Variants in KCNQ1 observed in about 807,000 individuals in gnomAD.
KCNQ1 encodes the protein potassium voltage-gated channel subfamily Q member 1, also known as potassium voltage-gated channel subfamily KQT member 1.
In KCNQ1, 49 loss-of-function variants were observed where a neutral mutation model predicts 72.4. The ratio of observed to expected loss-of-function variants is 0.68; its 90% CI spans 0.54 to 0.86. KCNQ1 has a LOEUF of 0.86. Among genes scored for constraint, KCNQ1 ranks in the 40% least tolerant of loss-of-function variants. The probability of loss-of-function intolerance (pLI) is 0.00; values close to 1 mark genes in which losing one functional copy is unlikely to be tolerated. For synonymous variants in KCNQ1, 450 were observed against 412.6 expected, an observed-to-expected ratio of 1.09 and a Z score of -1.10; for missense variants, 790 against 945.1, an observed-to-expected ratio of 0.84 and a Z score of 2.15.
intron 11 of KCNQ1, among the ~76,000 whole-genome samples, chr11:2,730,409 G>A (rs1845834894): frequency 6.6e-6 from 1 of 152,188 alleles, no homozygotes; most frequent in African/African-American, 2.4e-5. Flanking sequence ...GGTTCCCACT[G>A]GAAGCTCAAA....
chr11:2,798,868 A>C (rs1239461363), intron 15 of KCNQ1, among the ~76,000 whole-genome samples: 1 of 152,072 alleles, frequency 6.6e-6, no homozygotes, highest in Non-Finnish European at 1.5e-5. Flanking sequence ...ATGCATGTAC[A>C]TTTGCCTAAT....
chr11:2,645,934 T>A lies in KCNQ1; in HGVS notation c.1394-16027T>A. ...TCACAGTCTGTAGGTAGCCTCTTGT[T>A]AGTCTCAAGGCATCTATGGGTCAGG... On this transcript the variant is annotated intron_variant, in intron 10 of 15. Transcript: ENST00000155840. This position sits in a 1 kb window ranked among gnomAD's most constrained non-coding sequence, Gnocchi z 5.8. 5.0e-6 allele frequency: 2 copies of A among 398,608 alleles called. No individual in the cohort carries two copies. The highest frequency in any genetic ancestry group is 8.8e-6 in the Non-Finnish European group (2 of 226,078). The allele number at this position is 398,608 out of a possible 1,614,324, so 24.7% of individuals were successfully genotyped here.
At chr11:2,643,002 A>C (rs1163603375) in intron 10 of KCNQ1, 1 of 397,786 alleles carries the variant, frequency 2.5e-6, no homozygotes, top group African/African-American at 2.1e-5. Flanking sequence ...GTTTTATGCT[A>C]TTGTGGTCTG....
intron 1 of KCNQ1, among the ~76,000 whole-genome samples, chr11:2,470,361 G>A (rs937204520): frequency 1.3e-5 from 2 of 152,136 alleles, no homozygotes; most frequent in Admixed American, 1.3e-4. Context: ...TGAGACAAAT[G>A]ATTATATACT....
Position 2,683,720 on chromosome 11 carries a change from C to G in KCNQ1, c.1514+21639C>G. ...GGACTCAGGCCTTTCCTTACTCCCT[C>G]TGGTTACCTAGCTTTAGCTCTGAGG... On this transcript the variant is annotated intron_variant, in intron 11 of 15. Coordinates refer to ENST00000155840, the MANE Select transcript of KCNQ1 (RefSeq NM_000218.3). This position sits in a 1 kb window ranked among gnomAD's most constrained non-coding sequence, Gnocchi z 4.7. 1 of 398,654 alleles carries G rather than the reference C, an allele frequency of 2.5e-6. No homozygotes were observed. Among genetic ancestry groups the G allele is most frequent in the Non-Finnish European group, 4.4e-6 (1 of 226,072 alleles). 24.7% of individuals were successfully genotyped at this position (398,654 alleles called of 1,614,324 possible).
At position 2,658,925 on chromosome 11, in the gene KCNQ1, C is replaced by T. The variant is rs768748938; in HGVS notation, c.1394-3036C>T. The stretch of plus-strand genomic sequence containing the variant: ...AGTACCCTATGTGAAGCAAATTTAC[C>T]TACTAGATTAGAGTGTTTAGGACAG... On this transcript the variant is annotated intron_variant, in intron 10 of 15. Transcript: ENST00000155840. This position sits in a 1 kb window ranked among gnomAD's most constrained non-coding sequence, Gnocchi z 4.9. 2 of 398,474 alleles carry T rather than the reference C, an allele frequency of 5.0e-6. No homozygotes were observed. The highest frequency in any genetic ancestry group is 8.8e-6 in the Non-Finnish European group (2 of 226,026). 24.7% of individuals were successfully genotyped at this position (398,474 alleles called of 1,614,324 possible). A position where few individuals can be genotyped will look rare whatever the true frequency, so the allele number is the denominator to read the frequency against.
At chr11:2,505,754 A>T (rs1363388323) in intron 1 of KCNQ1, among the ~76,000 whole-genome samples, 1 of 152,100 alleles carries the variant, frequency 6.6e-6, no homozygotes, top group Non-Finnish European at 1.5e-5. Context: ...TTCTAGGTTT[A>T]TTATAAAACC....
At position 2,588,751 on chromosome 11, in the gene KCNQ1, G is replaced by T. The variant is rs1848629909; in HGVS notation, c.1290G>T (p.Gly430=). The change falls in exon 10 of 16, where the codon GGG becomes GGT. Residue 430 remains glycine (G), a synonymous_variant. Coordinates refer to ENST00000155840, the MANE Select transcript of KCNQ1 (RefSeq NM_000218.3). This position sits in a 1 kb window ranked among gnomAD's most constrained non-coding sequence, Gnocchi z 5.6. ...KKKFKLDKDN[G]VTPGEKMLTV... ...AGTTCAAGCTGGACAAAGACAATGG[G>T]GTGACTCCTGGAGAGAAGATGCTCA... The T allele has an allele frequency of 1.2e-6, 2 of 1,613,530 alleles. No individual in the cohort carries two copies. Among genetic ancestry groups the T allele is most frequent in the African/African-American group, 2.7e-5 (2 of 74,912 alleles).
rs187832757 is a variant in KCNQ1, at chr11:2,550,470, G to A, written c.478-20158G>A. On this transcript the variant is annotated intron_variant, in intron 2 of 15. Coordinates refer to ENST00000155840, the MANE Select transcript of KCNQ1 (RefSeq NM_000218.3). This position sits in a 1 kb window ranked among gnomAD's most constrained non-coding sequence, Gnocchi z 6.0. The stretch of plus-strand genomic sequence containing the variant: ...CATGTTCCTCCCTAGGCAGCTCCAT[G>A]CGCGGGCCCCGGAGCTGGAAAGCAG... Among the ~76,000 whole-genome samples the A allele has an allele frequency of 1.0e-3, 158 of 152,314 alleles. No homozygotes were observed. The highest frequency in any genetic ancestry group is 3.4e-3 in the Middle Eastern group (1 of 294).
rs1846836225 is a variant in KCNQ1, at chr11:2,491,565, G to A, written c.387-36363G>A. ...AGGAGACAGAATAAGAACGAATGAAGCATGATCTAGAAAATAGCCTCAAAA... is the reference window on the plus strand; with the variant it reads ...AGGAGACAGAATAAGAACGAATGAAACATGATCTAGAAAATAGCCTCAAAA... On this transcript the variant is annotated intron_variant, in intron 1 of 15. Coordinates refer to ENST00000155840, the MANE Select transcript of KCNQ1 (RefSeq NM_000218.3). This position sits in a 1 kb window ranked among gnomAD's most constrained non-coding sequence, Gnocchi z 4.1. Among the ~76,000 whole-genome samples, 1 of 152,056 alleles carries A rather than the reference G, an allele frequency of 6.6e-6. No homozygotes were observed. The highest frequency in any genetic ancestry group is 6.6e-5 in the Admixed American group (1 of 15,260).
rs1043654593 is a variant in KCNQ1 at position 2,713,767 on chromosome 11, C to G, written c.1514+51686C>G. On this transcript the variant is annotated intron_variant, in intron 11 of 15. Transcript: ENST00000155840. The surrounding 1 kb of genome is among the most constrained non-coding windows in gnomAD (Gnocchi z 5.6). ...TCTCTTGGCTGCTGGTAAGATTATCCATTAAATCCATATTCCTCACTGTAG... is the reference window on the plus strand; with the variant it reads ...TCTCTTGGCTGCTGGTAAGATTATCGATTAAATCCATATTCCTCACTGTAG... Among the ~76,000 whole-genome samples, 2 of 152,232 alleles carry G rather than the reference C, an allele frequency of 1.3e-5. No individual in the cohort carries two copies. Among genetic ancestry groups the G allele is most frequent in the African/African-American group, 4.8e-5 (2 of 41,442 alleles).
chr11:2,506,448 TCTC>T (rs1330438517), intron 1 of KCNQ1, among the ~76,000 whole-genome samples: 1 of 152,208 alleles, frequency 6.6e-6, no homozygotes, highest in Non-Finnish European at 1.5e-5. Flanking sequence ...ATTCAAACCC[TCTC>T]CTATTTATGG....
chr11:2,646,740 T>C (rs1472655166), intron 10 of KCNQ1: 12 of 398,508 alleles, frequency 3.0e-5, no homozygotes, highest in East Asian at 2.1e-4. Context: ...AGTCTCAAAC[T>C]CCTGGGCTCA....
At chr11:2,499,341 A>G (rs756483509) in intron 1 of KCNQ1, among the ~76,000 whole-genome samples, 11 of 152,218 alleles carry the variant, frequency 7.2e-5, no homozygotes, top group Non-Finnish European at 1.3e-4. Flanking sequence ...AAATTAAAGC[A>G]TGCCACTAGA....
chr11:2,672,075 C>A, intron 11 of KCNQ1: 1 of 398,716 alleles, frequency 2.5e-6, no homozygotes, highest in South Asian at 1.3e-4. Context: ...GGTCCCTGGT[C>A]TGGACTGAGC....
At position 2,495,848 on chromosome 11, in the gene KCNQ1, T is replaced by A. The variant is rs1846904448; in HGVS notation, c.387-32080T>A. ...GGTGGAAAGTTCTGTAGATGTCTAT[T>A]AGGTCCGCTTGGTCCAGAGCTGAGT... is the stretch of plus-strand genomic sequence containing the variant. On this transcript the variant is annotated intron_variant, in intron 1 of 15. Transcript: ENST00000155840. The surrounding 1 kb of genome is among the most constrained non-coding windows in gnomAD (Gnocchi z 4.6). Among the ~76,000 whole-genome samples the A allele has an allele frequency of 6.6e-6, 1 of 152,248 alleles. No homozygotes were observed. The highest frequency in any genetic ancestry group is 2.4e-5 in the African/African-American group (1 of 41,456).
chr11:2,683,627 C>G lies in KCNQ1; in HGVS notation c.1514+21546C>G, dbSNP rs1370948599. On this transcript the variant is annotated intron_variant, in intron 11 of 15. Coordinates refer to ENST00000155840, the MANE Select transcript of KCNQ1 (RefSeq NM_000218.3). The surrounding 1 kb of genome is among the most constrained non-coding windows in gnomAD (Gnocchi z 4.7). Reference sequence around the variant, plus strand: ...TCAAATACTGCTCTAGACAACTGGGCCCTGCATCTGCTGCAAGGAACATCC... The same window carrying G: ...TCAAATACTGCTCTAGACAACTGGGGCCTGCATCTGCTGCAAGGAACATCC... The G allele has an allele frequency of 2.5e-6, 1 of 398,538 alleles. No individual in the cohort carries two copies. The highest frequency in any genetic ancestry group is 4.4e-5 in the Admixed American group (1 of 22,714). The allele number at this position is 398,538 out of a possible 1,614,324, so 24.7% of individuals were successfully genotyped here.
chr11:2,828,989 A>G lies in KCNQ1; in HGVS notation c.1795-18778A>G, dbSNP rs192681042. On this transcript the variant is annotated intron_variant, in intron 15 of 15. Transcript: ENST00000155840. This position sits in a 1 kb window ranked among gnomAD's most constrained non-coding sequence, Gnocchi z 5.3. ...GAAATGCCTTCAAACATCTGAGGGA[A>G]AAAATGATTTCCCATCCAGAATTCT... 7.9e-3 allele frequency among the ~76,000 whole-genome samples: 1,205 copies of G among 152,378 alleles called. 8 individuals are homozygous for G. The highest frequency in any genetic ancestry group is 0.011 in the Non-Finnish European group (759 of 68,044).
In KCNQ1 at chr11:2,606,892, A is replaced by ATTT. The variant is rs869121696; in HGVS notation, c.1393+18064_1393+18066dup. On this transcript the variant is annotated intron_variant, in intron 10 of 15. Transcript: ENST00000155840. ...ACTGTTAAGTATGATATTATCTGTG[A>ATTT]TTTTTTTTTTTTTTTTTTTTTTTTT... 2.9e-3 allele frequency among the ~76,000 whole-genome samples: 239 copies of ATTT among 82,756 alleles called. 22 individuals are homozygous for ATTT. The highest frequency in any genetic ancestry group is 0.011 in the African/African-American group (210 of 18,938). 54.3% of individuals were successfully genotyped at this position (82,756 alleles called of 152,430 possible).
Sources: allele counts gnomAD v4.1 joint callset (sites outside exome capture counted in the v4.1 genomes callset), GRCh38; gene constraint gnomAD v4.1.1; non-coding constraint Gnocchi (gnomAD v3.1); transcripts MANE v1.5; gene names NCBI Gene and HGNC (gene_info 2026-07-23, HGNC 2026-07-21).